The following DYSF variants were observed in gnomAD, a reference collection of about 807,000 sequenced individuals.
DYSF encodes dysferlin, also known as dystrophy-associated fer-1-like 1.
DYSF carries 212 observed loss-of-function variants against 274.9 expected under a neutral mutation model. That is an observed-to-expected ratio of 0.77 (90% confidence interval 0.69 to 0.86). The LOEUF (loss-of-function observed/expected upper bound fraction) is 0.86. Ranked by LOEUF, DYSF falls within the 40% of genes least tolerant of loss-of-function variation. The pLI, the probability that DYSF is intolerant of heterozygous loss-of-function variation, is 0.00. For synonymous variants in DYSF, 1,091 were observed against 1,078.7 expected (o/e 1.01, Z -0.22); for missense variants, 2,666 against 2,783.2 (o/e 0.96, Z 0.95).
chr2:71,612,772 C>G lies in DYSF; in HGVS notation c.4353C>G (p.Tyr1451Ter), dbSNP rs886043145. 9.3e-6 allele frequency: 15 copies of G among 1,614,050 alleles called. No homozygotes were observed. Among genetic ancestry groups the G allele is most frequent in the Non-Finnish European group, 5.9e-6 (7 of 1,179,922 alleles). ...TGGAGAGCTTCCTGTGTGACCCCTA[C>G]TCGGCGGAGAGTCCATCCCCACAGG... The part of the protein sequence containing the change: ...RSLESFLCDP[Y>*]SAESPSPQGG... The change falls in exon 39 of 56, where the codon TAC (tyrosine) becomes TAG (stop). Residue 1451 changes from tyrosine to a stop codon, truncating the protein, a stop_gained. Coordinates refer to ENST00000410020, the MANE Select transcript of DYSF (RefSeq NM_001130987.2). LOFTEE classifies it high-confidence loss of function.
chr2:71,568,469 C>G (rs576761581), intron 26 of DYSF, 131 bp downstream of exon 26: 2 of 1,236,670 alleles, frequency 1.6e-6, no homozygotes, highest in Non-Finnish European at 2.3e-6. Context: ...TAGGAACTTC[C>G]GCTGAACTCT....
intron 13 of DYSF, 63 bp downstream of exon 13, chr2:71,526,409 GGTGGGCGATGGCGGGC>G: frequency 2.0e-6 from 3 of 1,470,768 alleles, no homozygotes; most frequent in African/African-American, 1.4e-5. Context: ...GGCTGGTGGG[GGTGGGCGATGGCGGGC>G]GGGGTCAGCT....
chr2:71,676,503 T>G (rs1434580909), intron 52 of DYSF, among the ~76,000 whole-genome samples: 2 of 152,176 alleles, frequency 1.3e-5, no homozygotes, highest in African/African-American at 4.8e-5. Flanking sequence ...TTGCAAATAA[T>G]TTCTCCCAAT....
At chr2:71,584,798 G>A (rs2093011476) in intron 30 of DYSF, among the ~76,000 whole-genome samples, 1 of 152,206 alleles carries the variant, frequency 6.6e-6, no homozygotes, top group Non-Finnish European at 1.5e-5. Context: ...AGCCAAGGAG[G>A]TGCCCATACC....
intron 42 of DYSF, among the ~76,000 whole-genome samples, chr2:71,652,745 G>A (rs77166893): frequency 1.3e-5 from 2 of 152,310 alleles, no homozygotes; most frequent in African/African-American, 2.4e-5. Flanking sequence ...TAACGAAACA[G>A]GTTATGAAGC....
Position 71,666,113 on chromosome 2 carries a change from G to A in DYSF, c.5317+809G>A, listed in dbSNP as rs1287340329. Among the ~76,000 whole-genome samples, 9 of 150,552 alleles carry A rather than the reference G, an allele frequency of 6.0e-5. No homozygotes were observed. In the East Asian group the frequency reaches 9.8e-4, roughly 16 times the overall value. On this transcript the variant is annotated intron_variant, in intron 47 of 55. Coordinates refer to ENST00000410020, the MANE Select transcript of DYSF (RefSeq NM_001130987.2). ...GCTGAGCCAGGCTCGGCCATAAGGC[G>A]CCCCCAGCCCTGCCCCCCTTCATTC...
chr2:71,540,164 G>A (rs2089798777), intron 17 of DYSF, among the ~76,000 whole-genome samples: 1 of 144,172 alleles, frequency 6.9e-6, no homozygotes, highest in African/African-American at 2.6e-5. Flanking sequence ...AGGCTGCAGT[G>A]TAGTGGCCCA....
intron 42 of DYSF, among the ~76,000 whole-genome samples, chr2:71,649,986 G>A (rs2094627635): frequency 6.6e-6 from 1 of 152,138 alleles, no homozygotes; most frequent in Admixed American, 6.5e-5. Context: ...AATTAAATGA[G>A]ACAAAGGATG....
chr2:71,622,434 G>A (rs985304111), intron 41 of DYSF, among the ~76,000 whole-genome samples: 1 of 152,096 alleles, frequency 6.6e-6, no homozygotes, highest in Non-Finnish European at 1.5e-5. Flanking sequence ...CTTTCTAATA[G>A]TAATGCCTCA....
intron 30 of DYSF, among the ~76,000 whole-genome samples, chr2:71,577,461 AACACACTCTCT>A (rs1167579542): frequency 2.0e-5 from 3 of 150,350 alleles, no homozygotes; most frequent in Non-Finnish European, 4.4e-5. Context: ...CACACACACC[AACACACTCTCT>A]ACACACTCCC....
rs1318837397 is a variant in DYSF at position 71,615,246 on chromosome 2, T to C, written c.4464+1836T>C. Among the ~76,000 whole-genome samples the C allele has an allele frequency of 1.3e-5, 2 of 152,214 alleles. No homozygotes were observed. Among genetic ancestry groups the C allele is most frequent in the East Asian group, 3.9e-4 (2 of 5,156 alleles). Reference sequence around the variant, plus strand: ...GCCAGAGCTGGGCCTGTGCTGTTTGTGGGAGCACACGGCCACTCTGGCTAG... The same window carrying C: ...GCCAGAGCTGGGCCTGTGCTGTTTGCGGGAGCACACGGCCACTCTGGCTAG... On this transcript the variant is annotated intron_variant, in intron 40 of 55. Transcript: ENST00000410020. The surrounding 1 kb of genome is among the most constrained non-coding windows in gnomAD (Gnocchi z 4.9).
chr2:71,551,287 TCTC>T, intron 18 of DYSF, 131 bp downstream of exon 18: 2 of 896,546 alleles, frequency 2.2e-6, no homozygotes, highest in East Asian at 2.6e-5. Context: ...CTCAGGGAGT[TCTC>T]CTTCTGCCCC....
chr2:71,622,135 T>TTTTTTTTG (rs1553390424), intron 41 of DYSF, among the ~76,000 whole-genome samples: 13 of 138,674 alleles, frequency 9.4e-5, no homozygotes, highest in African/African-American at 1.3e-4. Flanking sequence ...TCTTTGTTTT[T>TTTTTTTTG]TTTTTTTTTT....
rs746181078 is a variant in DYSF at position 71,611,575 on chromosome 2, G to C, written c.4170G>C (p.Arg1390Ser). The C allele has an allele frequency of 1.9e-6, 3 of 1,614,142 alleles. No homozygotes were observed. In the South Asian group the frequency reaches 3.3e-5, roughly 18 times the overall value. Reference sequence around the variant, plus strand: ...AGACGGTGCAGTCCTGTGTCATCAGGAACCTCCGGAAGAACCCCAACTTTG... The same window carrying C: ...AGACGGTGCAGTCCTGTGTCATCAGCAACCTCCGGAAGAACCCCAACTTTG... ...GGQTVQSCVI[R>S]NLRKNPNFDI... The change falls in exon 38 of 56, where the codon AGG becomes AGC. Residue 1390 changes from arginine (R) to serine (S), a missense_variant. Arg to Ser is a moderately radical substitution (Grantham distance 110). Transcript: ENST00000410020.
rs573488249 is a variant in DYSF at position 71,542,913 on chromosome 2, G to A, written c.1576+3674G>A. 4.7e-4 allele frequency among the ~76,000 whole-genome samples: 71 copies of A among 152,292 alleles called. 1 individual carries two copies. The highest frequency in any genetic ancestry group is 2.1e-3 in the South Asian group (10 of 4,822). On this transcript the variant is annotated intron_variant, in intron 17 of 55. Transcript: ENST00000410020. ...ACACCTCGCAGATGGGGTGGCGGCC[G>A]GGCAGAGGGGCTCCTCACTTCCCAG...
At chr2:71,569,444 C>T (rs1157224387) in intron 26 of DYSF, among the ~76,000 whole-genome samples, 3 of 152,118 alleles carry the variant, frequency 2.0e-5, no homozygotes, top group African/African-American at 7.2e-5. Flanking sequence ...CTTTTTTTTA[C>T]TTAAAAAAAT....
chr2:71,459,500 G>T (rs982076255), intron 1 of DYSF, among the ~76,000 whole-genome samples: 8 of 152,122 alleles, frequency 5.3e-5, no homozygotes, highest in African/African-American at 1.9e-4. Flanking sequence ...GCTGAGGGGG[G>T]GACACCTGGT....
chr2:71,536,776 A>T (rs1006094378), intron 16 of DYSF, among the ~76,000 whole-genome samples: 7 of 152,156 alleles, frequency 4.6e-5, no homozygotes, highest in African/African-American at 1.7e-4. Flanking sequence ...CAAGCCCCAA[A>T]ACCCAGCTCT....
chr2:71,657,796 C>T (rs1447315596), intron 43 of DYSF, among the ~76,000 whole-genome samples: 1 of 152,180 alleles, frequency 6.6e-6, no homozygotes. Flanking sequence ...GCACATAGCA[C>T]AGGGACCCTG....
Sources: allele counts gnomAD v4.1 joint callset (sites outside exome capture counted in the v4.1 genomes callset), GRCh38; gene constraint gnomAD v4.1.1; non-coding constraint Gnocchi (gnomAD v3.1); transcripts MANE v1.5; gene names NCBI Gene and HGNC (gene_info 2026-07-23, HGNC 2026-07-21).